The following SGCD variants were observed in gnomAD, a reference collection of about 807,000 sequenced individuals.
SGCD encodes the protein sarcoglycan delta, also known as delta-sarcoglycan.
SGCD carries 18 observed loss-of-function variants against 36.6 expected under a neutral mutation model. The observed-to-expected ratio is 0.49, with a 90% CI of 0.34 to 0.73. The LOEUF (loss-of-function observed/expected upper bound fraction) is 0.73, where lower values mean the gene tolerates loss of function less well. SGCD is among the 30% of genes least tolerant of loss of function. The probability of loss-of-function intolerance (pLI) is 0.01; values close to 1 mark genes in which losing one functional copy is unlikely to be tolerated. For missense variants in SGCD, 387 were observed against 346.7 expected (o/e 1.12, Z -0.92); for synonymous variants, 133 against 130.6 (o/e 1.02, Z -0.12).
chr5:156,482,469 T>C (rs1755473736), intron 3 of SGCD, among the ~76,000 whole-genome samples: 1 of 152,176 alleles, frequency 6.6e-6, no homozygotes, highest in African/African-American at 2.4e-5. Flanking sequence ...TATAACTTCG[T>C]TTTTTTCTCC....
the SGCD span, among the ~76,000 whole-genome samples, chr5:155,865,224 AAT>A: frequency 2.0e-5 from 3 of 152,276 alleles, no homozygotes; most frequent in East Asian, 1.9e-4. Context: ...CATAACATAA[AAT>A]ATATGTTAAC....
intron 7 of SGCD, among the ~76,000 whole-genome samples, chr5:156,655,666 G>A (rs543819389): frequency 6.6e-6 from 1 of 152,124 alleles, no homozygotes; most frequent in South Asian, 2.1e-4. Flanking sequence ...AAGATACTTT[G>A]TTCTGGATTC....
At chr5:156,141,335 G>A (rs1399870534) in intron 3 of SGCD, among the ~76,000 whole-genome samples, 2 of 152,068 alleles carry the variant, frequency 1.3e-5, no homozygotes, top group African/African-American at 4.8e-5. Context: ...TGGGAGCAAG[G>A]TCACCCCAAG....
chr5:156,669,890 G>A (rs1218497182), intron 7 of SGCD, among the ~76,000 whole-genome samples: 2 of 151,912 alleles, frequency 1.3e-5, no homozygotes, highest in Non-Finnish European at 2.9e-5. Flanking sequence ...AATTTAAGTA[G>A]GTATTGGGGG....
rs1031865976 is a variant in SGCD at position 156,767,681 on chromosome 5, C to T, written c.*8291C>T. On this transcript the variant is annotated 3_prime_UTR_variant, in exon 9 of 9. Transcript: ENST00000337851. ...CAATAATGCTATGAATTACAAGGAACTATTTTAACTTTATTACACTTTCTG... is the reference window on the plus strand; with the variant it reads ...CAATAATGCTATGAATTACAAGGAATTATTTTAACTTTATTACACTTTCTG... 6.6e-6 allele frequency: 1 copy of T among 152,050 alleles called. No homozygotes were observed. Among genetic ancestry groups the T allele is most frequent in the Non-Finnish European group, 1.5e-5 (1 of 68,006 alleles). 9.4% of individuals were successfully genotyped at this position (152,050 alleles called of 1,614,324 possible). A position where few individuals can be genotyped will look rare whatever the true frequency, so the allele number is the denominator to read the frequency against.
chr5:156,416,645 T>G (rs1034277582), intron 3 of SGCD, among the ~76,000 whole-genome samples: 1 of 152,222 alleles, frequency 6.6e-6, no homozygotes. Context: ...ATGTTGGGGA[T>G]GAGTCACTAA....
At chr5:156,401,794 A>G (rs1447237989) in intron 3 of SGCD, among the ~76,000 whole-genome samples, 2 of 152,140 alleles carry the variant, frequency 1.3e-5, no homozygotes, top group Non-Finnish European at 2.9e-5. Flanking sequence ...ACATAAATTC[A>G]TGATTTTAAC....
At chr5:156,180,497 A>G (rs1763580661) in intron 3 of SGCD, among the ~76,000 whole-genome samples, 2 of 152,230 alleles carry the variant, frequency 1.3e-5, no homozygotes, top group African/African-American at 4.8e-5. Context: ...AGTAATTTTA[A>G]TAAAAAATCA....
intron 1 of SGCD, among the ~76,000 whole-genome samples, chr5:155,939,659 A>T (rs1427299291): frequency 1.4e-5 from 2 of 139,576 alleles, no homozygotes; most frequent in Non-Finnish European, 3.1e-5. Context: ...AAAAAAAAAA[A>T]TAATAATAAT....
the SGCD span, among the ~76,000 whole-genome samples, chr5:155,853,811 A>C: frequency 2.1e-4 from 32 of 152,270 alleles, no homozygotes; most frequent in African/African-American, 7.7e-4. Context: ...TAGTTTCCCC[A>C]GGTTCTTCTC....
At chr5:156,241,209 AAGTTCAC>A (rs1225825097) in intron 3 of SGCD, among the ~76,000 whole-genome samples, 1 of 151,918 alleles carries the variant, frequency 6.6e-6, no homozygotes, top group African/African-American at 2.4e-5. Context: ...CAATCCTTAT[AAGTTCAC>A]AGCTAACTAA....
In SGCD at chr5:155,893,637, T is replaced by C. The variant is rs150820085; in HGVS notation, c.-282+23213T>C. 2.0e-5 allele frequency among the ~76,000 whole-genome samples: 3 copies of C among 152,332 alleles called. No individual in the cohort carries two copies. In the East Asian group the frequency reaches 5.8e-4, roughly 29 times the overall value. ...AGTTAGCTGGACAAACAAGGGCACT[T>C]ACCTGACATCTTTAGTTTTCTTTAT... On this transcript the variant is annotated intron_variant, in intron 1 of 9. Coordinates refer to the SGCD transcript ENST00000517913.
At chr5:156,678,566 C>A (rs1333569428) in intron 7 of SGCD, among the ~76,000 whole-genome samples, 3 of 152,182 alleles carry the variant, frequency 2.0e-5, no homozygotes, top group Admixed American at 2.0e-4. Context: ...ATGCATTAAT[C>A]TCTGATCTTG....
At chr5:155,900,790 C>T (rs1756372087) in intron 1 of SGCD, among the ~76,000 whole-genome samples, 1 of 151,880 alleles carries the variant, frequency 6.6e-6, no homozygotes, top group South Asian at 2.1e-4. Flanking sequence ...AAATAAATTA[C>T]ATTTTTATTA....
At chr5:155,940,872 CAACAA>C (rs899789426) in intron 1 of SGCD, among the ~76,000 whole-genome samples, 6 of 97,752 alleles carry the variant, frequency 6.1e-5, no homozygotes, top group African/African-American at 2.5e-4. Context: ...ACAACAACAA[CAACAA>C]AAAAAACATT....
chr5:155,962,757 G>A (rs1381720600), intron 1 of SGCD, among the ~76,000 whole-genome samples: 2 of 152,090 alleles, frequency 1.3e-5, no homozygotes, highest in East Asian at 1.9e-4. Context: ...TAAGTGGCAC[G>A]AGAAGACATA....
chr5:156,006,214 C>A (rs1226519793), intron 1 of SGCD, among the ~76,000 whole-genome samples: 2 of 152,190 alleles, frequency 1.3e-5, no homozygotes, highest in African/African-American at 4.8e-5. Context: ...GACCCAGATT[C>A]ATTCAGTGAC....
chr5:156,121,708 C>T (rs566768078), intron 2 of SGCD, among the ~76,000 whole-genome samples: 43 of 152,254 alleles, frequency 2.8e-4, no homozygotes, highest in Middle Eastern at 6.8e-3. Context: ...GATCTAAAGT[C>T]CTTTGATGAC....
chr5:156,305,092 T>C (rs1049614129), intron 3 of SGCD, among the ~76,000 whole-genome samples: 6 of 152,280 alleles, frequency 3.9e-5, no homozygotes, highest in East Asian at 1.9e-4. Context: ...GAAAATCCCA[T>C]TTCTTGAGGA....
Sources: allele counts gnomAD v4.1 joint callset (sites outside exome capture counted in the v4.1 genomes callset), GRCh38; gene constraint gnomAD v4.1.1; transcripts MANE v1.5; gene names NCBI Gene and HGNC (gene_info 2026-07-23, HGNC 2026-07-21).